The following CELF2 variants were observed in gnomAD, a reference collection of about 807,000 sequenced individuals.
CELF2 encodes CUG triplet repeat RNA-binding protein 2.
In CELF2, 8 loss-of-function variants were observed where a neutral mutation model predicts 62.6. That is an observed-to-expected ratio of 0.13 (90% CI 0.07 to 0.23). The LOEUF (loss-of-function observed/expected upper bound fraction) is 0.23. CELF2 is among the 10% of genes least tolerant of loss of function. CELF2 has a pLI of 1.00. For missense variants in CELF2, 333 were observed against 671.0 expected, an observed-to-expected ratio of 0.50 and a Z score of 5.56; for synonymous variants, 258 against 250.0, an observed-to-expected ratio of 1.03 and a Z score of -0.30.
chr10:11,323,853 G>A (rs571496966), intron 11 of CELF2, among the ~76,000 whole-genome samples: 1 of 152,180 alleles, frequency 6.6e-6, no homozygotes, highest in East Asian at 1.9e-4. Context: ...TTTAAAAAAG[G>A]TATTTTGTTT....
chr10:10,758,962 G>A, the CELF2 span, among the ~76,000 whole-genome samples: 1 of 152,170 alleles, frequency 6.6e-6, no homozygotes, highest in Non-Finnish European at 1.5e-5. Flanking sequence ...TGCTAGGAGA[G>A]CTTCCCTATC....
intron 2 of CELF2, among the ~76,000 whole-genome samples, chr10:11,180,797 A>G (rs1437798939): frequency 6.6e-6 from 1 of 152,236 alleles, no homozygotes; most frequent in East Asian, 1.9e-4. Flanking sequence ...CATTTTACAG[A>G]GAAGAAAACT....
chr10:10,475,191 C>A, the CELF2 span, among the ~76,000 whole-genome samples: 1 of 152,068 alleles, frequency 6.6e-6, no homozygotes. Context: ...GTACATTACC[C>A]TGTACGTCTC....
chr10:10,802,440 A>C (rs1449771197), intron 1 of CELF2, among the ~76,000 whole-genome samples: 1 of 152,246 alleles, frequency 6.6e-6, no homozygotes, highest in African/African-American at 2.4e-5. Flanking sequence ...ACTGCACTCC[A>C]GCCTGGGTGA....
intron 2 of CELF2, among the ~76,000 whole-genome samples, chr10:11,190,013 C>A (rs2075932279): frequency 1.3e-5 from 2 of 152,212 alleles, no homozygotes; most frequent in Non-Finnish European, 2.9e-5. Flanking sequence ...TTCAGGTTCT[C>A]CATTTCCTGC....
chr10:11,310,089 G>C (rs2094480324), intron 9 of CELF2, among the ~76,000 whole-genome samples: 1 of 152,174 alleles, frequency 6.6e-6, no homozygotes, highest in Non-Finnish European at 1.5e-5. Context: ...ATGGGACCCA[G>C]TACTCAGAAT....
the CELF2 span, among the ~76,000 whole-genome samples, chr10:10,666,841 G>C: frequency 3.2e-5 from 2 of 63,288 alleles, no homozygotes; most frequent in Admixed American, 1.8e-4. Context: ...CAGCCTGGGC[G>C]ACAGAGCGAG....
intron 2 of CELF2, among the ~76,000 whole-genome samples, chr10:11,216,079 A>G (rs1236820080): frequency 6.6e-6 from 1 of 152,238 alleles, no homozygotes; most frequent in Non-Finnish European, 1.5e-5. Flanking sequence ...CCTTCATTCA[A>G]GTGATACATT....
intron 1 of CELF2, among the ~76,000 whole-genome samples, chr10:11,082,885 TAGTG>T (rs1202075962): frequency 6.6e-6 from 1 of 152,244 alleles, no homozygotes; most frequent in Non-Finnish European, 1.5e-5. Context: ...GTCCTTCAGA[TAGTG>T]TGTGTGAAAC....
chr10:10,548,469 T>C, the CELF2 span, among the ~76,000 whole-genome samples: 1 of 152,232 alleles, frequency 6.6e-6, no homozygotes, highest in Admixed American at 6.5e-5. Context: ...ATTATGACTA[T>C]AGTCTAAATA....
chr10:11,144,712 A>T (rs1262666146), intron 1 of CELF2, among the ~76,000 whole-genome samples: 1 of 151,690 alleles, frequency 6.6e-6, no homozygotes, highest in East Asian at 1.9e-4. Flanking sequence ...GGGCAACATG[A>T]GGAGACCCCA....
chr10:11,059,727 G>T (rs759564589), intron 1 of CELF2, among the ~76,000 whole-genome samples: 5 of 152,148 alleles, frequency 3.3e-5, no homozygotes, highest in African/African-American at 1.2e-4. Context: ...AGAGGGAAGC[G>T]CAGCCTCAGG....
intron 9 of CELF2, among the ~76,000 whole-genome samples, chr10:11,303,011 C>G (rs1434411334): frequency 1.3e-5 from 2 of 152,190 alleles, no homozygotes; most frequent in African/African-American, 4.8e-5. Context: ...CAGAAACCCC[C>G]TTGATACATG....
chr10:11,112,845 T>G (rs1315472838), intron 1 of CELF2, among the ~76,000 whole-genome samples: 1 of 152,192 alleles, frequency 6.6e-6, no homozygotes, highest in East Asian at 1.9e-4. Context: ...GTAGCCCATA[T>G]CCGAAGCTTG....
intron 2 of CELF2, among the ~76,000 whole-genome samples, chr10:10,953,033 T>G (rs1255443367): frequency 6.6e-6 from 1 of 152,198 alleles, no homozygotes; most frequent in African/African-American, 2.4e-5. Context: ...GCCATCACCT[T>G]CACATTGTGA....
intron 1 of CELF2, among the ~76,000 whole-genome samples, chr10:10,832,425 A>G (rs2057944284): frequency 6.6e-6 from 1 of 152,234 alleles, no homozygotes; most frequent in Admixed American, 6.5e-5. Flanking sequence ...TCCCAGATAT[A>G]GAGACAAGTA....
intron 1 of CELF2, among the ~76,000 whole-genome samples, chr10:10,830,198 C>A (rs2057730318): frequency 6.7e-6 from 1 of 148,246 alleles, no homozygotes; most frequent in African/African-American, 2.5e-5. Context: ...ACTTAGATAT[C>A]TATAAGCAAT....
the CELF2 span, among the ~76,000 whole-genome samples, chr10:10,541,438 T>C: frequency 6.6e-6 from 1 of 152,086 alleles, no homozygotes; most frequent in Non-Finnish European, 1.5e-5. Flanking sequence ...GAAAAAAGAA[T>C]GGCTACTCCA....
chr10:10,650,183 C>T, the CELF2 span, among the ~76,000 whole-genome samples: 2 of 151,928 alleles, frequency 1.3e-5, no homozygotes, highest in Admixed American at 6.6e-5. Flanking sequence ...TTGAGACAAT[C>T]GAGGGAAATT....
Sources: allele counts gnomAD v4.1 joint callset (sites outside exome capture counted in the v4.1 genomes callset), GRCh38; gene constraint gnomAD v4.1.1; transcripts MANE v1.5; gene names NCBI Gene and HGNC (gene_info 2026-07-23, HGNC 2026-07-21).